The following SIRT7 variants were observed in gnomAD, a reference collection of about 807,000 sequenced individuals.
SIRT7 encodes sirtuin 7, also known as NAD-dependent protein deacetylase sirtuin-7.
A neutral mutation model predicts 42.8 loss-of-function variants in SIRT7; 32 were observed. The ratio of observed to expected loss-of-function variants is 0.75; its 90% CI spans 0.56 to 1.00. The LOEUF is 1.00. Among genes scored for constraint, SIRT7 ranks in the 50% least tolerant of loss-of-function variants. SIRT7 has a pLI of 0.00. For synonymous variants in SIRT7, 297 were observed against 245.2 expected (o/e 1.21, Z -1.97); for missense variants, 553 against 572.2 (o/e 0.97, Z 0.34).
rs1292514796 is a variant in SIRT7, at chr17:81,917,866, G to C, written c.195C>G (p.Ser65Arg). ...GCCGCTTCAGGCCCTCGCGCCGCCG[G>C]CTCCGGCCCTGCAGCTCCGTTACCA... ...ADLVTELQGR[S>R]RRREGLKRRQ... Residue 65 changes from serine to arginine, a missense_variant, in exon 2 of 10, where the codon AGC becomes AGG. By Grantham distance (110) the Ser-to-Arg change is moderately radical. Transcript: ENST00000328666. The C allele has an allele frequency of 2.1e-6, 3 of 1,438,672 alleles. No homozygotes were observed. The highest frequency in any genetic ancestry group is 2.7e-6 in the Non-Finnish European group (3 of 1,099,652). The allele number at this position is 1,438,672 out of a possible 1,614,324, so 89.1% of individuals were successfully genotyped here. A position where few individuals can be genotyped will look rare whatever the true frequency, so the allele number is the denominator to read the frequency against.
At chr17:81,915,156 C>T in intron 5 of SIRT7, 1 of 548,416 alleles carries the variant, frequency 1.8e-6, no homozygotes, top group African/African-American at 1.9e-5. Context: ...ACTAGGATGG[C>T]TTCTGAGGTC....
Position 81,915,631 on chromosome 17 carries a change from A to G in SIRT7, c.387T>C (p.Leu129=), listed in dbSNP as rs772110137. ...CTTACCTAACGCTTCTCCCTTTCTGAAGCAGTGTCCACACTCCATTAGGGC... is the reference window on the plus strand; with the variant it reads ...CTTACCTAACGCTTCTCCCTTTCTGGAGCAGTGTCCACACTCCATTAGGGC... ...YRGPNGVWTL[L]QKGRSVSAAD... Residue 129 remains leucine (L), a synonymous_variant, in exon 4 of 10, where the codon CTT becomes CTC. Coordinates refer to ENST00000328666, the MANE Select transcript of SIRT7 (RefSeq NM_016538.3). 6.2e-7 allele frequency: 1 copy of G among 1,613,802 alleles called. No individual in the cohort carries two copies.
rs1378791509 is a variant in SIRT7, at chr17:81,913,506, C to T, written c.1004+268G>A. On this transcript the variant is annotated intron_variant, in intron 9 of 9. Coordinates refer to ENST00000328666, the MANE Select transcript of SIRT7 (RefSeq NM_016538.3). The surrounding 1 kb of genome is among the most constrained non-coding windows in gnomAD (Gnocchi z 5.0). Reference sequence around the variant, plus strand: ...CCACCAGGCATCTCGGAGAGCTCCACGGGGAGGCCTGGAGCAGGAGCACGC... The same window carrying T: ...CCACCAGGCATCTCGGAGAGCTCCATGGGGAGGCCTGGAGCAGGAGCACGC... 6.2e-6 allele frequency: 3 copies of T among 480,530 alleles called. No individual in the cohort carries two copies. Among genetic ancestry groups the T allele is most frequent in the Non-Finnish European group, 1.2e-5 (3 of 260,754 alleles). The allele number at this position is 480,530 out of a possible 1,614,324, so 29.8% of individuals were successfully genotyped here. A position where few individuals can be genotyped will look rare whatever the true frequency, so the allele number is the denominator to read the frequency against.
Position 81,918,090 on chromosome 17 carries a change from C to T in SIRT7, c.42G>A (p.Ala14=). Residue 14 remains alanine (A), a synonymous_variant, in exon 1 of 10, where the codon GCG becomes GCA. Coordinates refer to ENST00000328666, the MANE Select transcript of SIRT7 (RefSeq NM_016538.3). ...GGLSRSERKA[A]ERVRRLREEQ... Reference sequence around the variant, plus strand: ...CCTCCCGCAACCTCCGGACCCGCTCCGCCGCTTTGCGCTCGGAGCGGCTCA... The same window carrying T: ...CCTCCCGCAACCTCCGGACCCGCTCTGCCGCTTTGCGCTCGGAGCGGCTCA... 1 of 1,551,682 alleles carries T rather than the reference C, an allele frequency of 6.4e-7. No homozygotes were observed. Among genetic ancestry groups the T allele is most frequent in the Non-Finnish European group, 8.6e-7 (1 of 1,160,082 alleles).
In SIRT7 at chr17:81,915,617, C is replaced by A. The variant is rs778687363; in HGVS notation, c.401G>T (p.Ser134Ile). Residue 134 changes from serine (S) to isoleucine (I), a missense_variant, in exon 4 of 10, where the codon AGC becomes ATC. Physicochemically the swap from Ser to Ile is moderately radical, Grantham distance 142. Transcript: ENST00000328666. Reference protein sequence around the residue: ...GVWTLLQKGRSVSAADLSEAE... With the variant: ...GVWTLLQKGRIVSAADLSEAE... The stretch of plus-strand genomic sequence containing the variant: ...CCATGCCTGGCCCGCTTACCTAACG[C>A]TTCTCCCTTTCTGAAGCAGTGTCCA... 6.2e-7 allele frequency: 1 copy of A among 1,613,822 alleles called. No homozygotes were observed. The highest frequency in any genetic ancestry group is 8.5e-7 in the Non-Finnish European group (1 of 1,180,002).
Position 81,917,624 on chromosome 17 carries a change from T to C in SIRT7, c.327A>G (p.Gly109=), listed in dbSNP as rs1034821182. Reference sequence around the variant, plus strand: ...CCGCCTCCCTCCCTACCGTGCTGATTCCCGCGCCTGTGTAGACGACCAAGT... The same window carrying C: ...CCGCCTCCCTCCCTACCGTGCTGATCCCCGCGCCTGTGTAGACGACCAAGT... ...AKYLVVYTGA[G]ISTAASIPDY... Residue 109 remains glycine, a synonymous_variant, in exon 3 of 10, where the codon GGA becomes GGG. Transcript: ENST00000328666. 3 of 1,604,436 alleles carry C rather than the reference T, an allele frequency of 1.9e-6. No homozygotes were observed. The Admixed American group carries it at 5.1e-5, about 27-fold the overall frequency.
chr17:81,917,991 G>A lies in SIRT7; in HGVS notation c.94-24C>T, dbSNP rs574845548. The A allele has an allele frequency of 7.3e-5, 98 of 1,335,712 alleles. No individual in the cohort carries two copies. In the East Asian group the frequency reaches 2.7e-3, roughly 37 times the overall value. The allele number at this position is 1,335,712 out of a possible 1,614,324, so 82.7% of individuals were successfully genotyped here. A position where few individuals can be genotyped will look rare whatever the true frequency, so the allele number is the denominator to read the frequency against. ...ACCTGCGGGCAGGCGGACGGTGAGC[G>A]GCGGCGCGGGCCGGGCATGGCCGGG... On this transcript the variant is annotated intron_variant, in intron 1 of 9. Transcript: ENST00000328666.
At chr17:81,914,030 CTG>C in intron 8 of SIRT7, 55 bp downstream of exon 8, 1 of 1,603,082 alleles carries the variant, frequency 6.2e-7, no homozygotes. Flanking sequence ...TGGGGTGTCT[CTG>C]GCTGTGCGTT....
chr17:81,914,830 C>T lies in SIRT7; in HGVS notation c.481-128G>A, dbSNP rs192033436. ...CCCAAAACCAGGGGCAGCTCCGTCC[C>T]CCCAGAGAGCCTTAGAAAGTAAAAC... On this transcript the variant is annotated intron_variant, in intron 5 of 9. Coordinates refer to ENST00000328666, the MANE Select transcript of SIRT7 (RefSeq NM_016538.3). 6.7e-4 allele frequency: 476 copies of T among 707,992 alleles called. 1 individual carries two copies. In the African/African-American group the frequency reaches 7.6e-3, roughly 11 times the overall value. 43.9% of individuals were successfully genotyped at this position (707,992 alleles called of 1,614,324 possible).
In SIRT7 at chr17:81,917,854, C is replaced by G. The variant is rs1397192508; in HGVS notation, c.207G>C (p.Glu69Asp). 7.0e-7 allele frequency: 1 copy of G among 1,437,848 alleles called. No individual in the cohort carries two copies. Among genetic ancestry groups the G allele is most frequent in the Non-Finnish European group, 9.1e-7 (1 of 1,099,594 alleles). The allele number at this position is 1,437,848 out of a possible 1,614,324, so 89.1% of individuals were successfully genotyped here. The change falls in exon 2 of 10, where the codon GAG (glutamate) becomes GAC (aspartate). Residue 69 changes from glutamate to aspartate, a missense_variant. By Grantham distance (45) the Glu-to-Asp change is conservative. Coordinates refer to ENST00000328666, the MANE Select transcript of SIRT7 (RefSeq NM_016538.3). Reference protein sequence around the residue: ...TELQGRSRRREGLKRRQEEVC... With the variant: ...TELQGRSRRRDGLKRRQEEVC... ...CCTCCTCCTGCCGCCGCTTCAGGCC[C>G]TCGCGCCGCCGGCTCCGGCCCTGCA...
intron 9 of SIRT7, chr17:81,912,982 C>T: frequency 2.6e-6 from 1 of 380,916 alleles, no homozygotes; most frequent in South Asian, 2.2e-5. Context: ...CCACTTGTAC[C>T]GCTGGGGCAG....
intron 7 of SIRT7, 25 bp from the exon 8 acceptor site, chr17:81,914,192 C>G: frequency 6.2e-7 from 1 of 1,613,476 alleles, no homozygotes; most frequent in African/African-American, 1.3e-5. Flanking sequence ...AGACAGACAC[C>G]GCACACACAC....
At chr17:81,914,799 A>C in intron 5 of SIRT7, 97 bp from the exon 6 acceptor site, 1 of 988,716 alleles carries the variant, frequency 1.0e-6, no homozygotes, top group Non-Finnish European at 1.6e-6. Flanking sequence ...AGCCCCGCCG[A>C]TGGCTCCCAA....
Position 81,914,284 on chromosome 17 carries a change from C to A in SIRT7, c.816+10G>T. 3.7e-6 allele frequency: 6 copies of A among 1,612,940 alleles called. No individual in the cohort carries two copies. The highest frequency in any genetic ancestry group is 5.1e-6 in the Non-Finnish European group (6 of 1,179,838). ...GGGCTCGGTTCACTCATTGTGTCAT[C>A]GGCACGTACCTTCAGGCTGGACCCT... On this transcript the variant is annotated intron_variant, in intron 7 of 9. Coordinates refer to ENST00000328666, the MANE Select transcript of SIRT7 (RefSeq NM_016538.3).
intron 9 of SIRT7, chr17:81,912,987 G>A: frequency 5.3e-6 from 2 of 378,090 alleles, no homozygotes; most frequent in South Asian, 2.2e-5. Flanking sequence ...TGTACCGCTG[G>A]GGCAGGTGGA....
chr17:81,915,154 G>A (rs904230579), intron 5 of SIRT7: 2 of 544,930 alleles, frequency 3.7e-6, no homozygotes, highest in African/African-American at 3.8e-5. Flanking sequence ...TGACTAGGAT[G>A]GCTTCTGAGG....
At position 81,914,694 on chromosome 17, in the gene SIRT7, A is replaced by ATGG. The variant is rs1242921560; in HGVS notation, c.488_489insCCA (p.His163dup). The ATGG allele has an allele frequency of 6.2e-7, 1 of 1,612,564 alleles. No homozygotes were observed. The highest frequency in any genetic ancestry group is 1.1e-5 in the South Asian group (1 of 91,082). The stretch of plus-strand genomic sequence containing the variant: ...GCCCGTCACAGTTCTGAGACACCAC[A>ATGG]TGCTGCACCTGGAAGGCAGAACGGG... On this transcript the variant is annotated inframe_insertion, in exon 6 of 10. Coordinates refer to ENST00000328666, the MANE Select transcript of SIRT7 (RefSeq NM_016538.3).
intron 3 of SIRT7, chr17:81,915,941 G>A (rs754234784): frequency 2.0e-4 from 96 of 490,668 alleles, no homozygotes; most frequent in African/African-American, 1.1e-3. Context: ...GCCTGCCTCC[G>A]GAAGCCTCTC....
At chr17:81,915,332 C>G (rs2040774896) in intron 5 of SIRT7, 108 bp downstream of exon 5, 6 of 1,283,810 alleles carry the variant, frequency 4.7e-6, no homozygotes, top group South Asian at 3.9e-5. Flanking sequence ...GGGTGCTCAT[C>G]ATGGGAGTCA....
Sources: allele counts gnomAD v4.1 joint callset, GRCh38; gene constraint gnomAD v4.1.1; non-coding constraint Gnocchi (gnomAD v3.1); transcripts MANE v1.5; gene names NCBI Gene and HGNC (gene_info 2026-07-23, HGNC 2026-07-21).